The following SLCO5A1 variants were observed in gnomAD, a reference collection of about 807,000 sequenced individuals.
SLCO5A1 encodes the protein solute carrier organic anion transporter family member 5A1, also known as organic anion transporter polypeptide-related protein 4.
SLCO5A1 carries 39 observed loss-of-function variants against 65.1 expected under a neutral mutation model. That is an observed-to-expected ratio of 0.60 (90% CI 0.46 to 0.78). SLCO5A1 has a LOEUF of 0.78. Among genes scored for constraint, SLCO5A1 ranks in the 30% least tolerant of loss-of-function variants. The pLI is 0.00. For synonymous variants in SLCO5A1, 438 were observed against 415.7 expected, an observed-to-expected ratio of 1.05 and a Z score of -0.65; for missense variants, 1,029 against 1,069.4, an observed-to-expected ratio of 0.96 and a Z score of 0.53.
At chr8:69,819,658 T>C (rs1023299453) in intron 2 of SLCO5A1, among the ~76,000 whole-genome samples, 9 of 152,154 alleles carry the variant, frequency 5.9e-5, no homozygotes, top group Admixed American at 5.9e-4. Context: ...TTGCTAATAC[T>C]GGTCAGAAAA....
rs1821214702 is a variant in SLCO5A1, at chr8:69,832,513, C to T, written c.161G>A (p.Ser54Asn). The change falls in exon 2 of 10, where the codon AGT (serine) becomes AAT (asparagine). Residue 54 changes from serine (S) to asparagine (N), a missense_variant. Transcript: ENST00000260126. The surrounding 1 kb of genome is among the most constrained non-coding windows in gnomAD (Gnocchi z 4.5). ...GCCAAAGGCCGGGTTGGCGTCTCCA[C>T]TAGTGGGACTGAGGCTTGGCCGGCA... ...ASCRPSLSPT[S>N]GDANPAFGCV... is the part of the protein sequence containing the mutation. 1 of 1,609,128 alleles carries T rather than the reference C, an allele frequency of 6.2e-7. No individual in the cohort carries two copies. The highest frequency in any genetic ancestry group is 1.7e-5 in the Admixed American group (1 of 59,102).
At position 69,761,890 on chromosome 8, in the gene SLCO5A1, G is replaced by A. The variant is rs1563707649; in HGVS notation, c.908-15C>T. ...ATACATGATGGCTGAGAAGACAGAA[G>A]GGGAAATGTGAAATACAGCGACGTT... On this transcript the variant is annotated splice_polypyrimidine_tract_variant and intron_variant, in intron 2 of 9. Transcript: ENST00000260126. The A allele has an allele frequency of 1.9e-6, 3 of 1,609,588 alleles. No homozygotes were observed. Among genetic ancestry groups the A allele is most frequent in the Non-Finnish European group, 2.5e-6 (3 of 1,179,214 alleles).
chr8:69,733,175 T>A (rs1247322248), intron 5 of SLCO5A1, among the ~76,000 whole-genome samples: 1 of 152,138 alleles, frequency 6.6e-6, no homozygotes, highest in African/African-American at 2.4e-5. Flanking sequence ...ATTACAGAAA[T>A]TTTATTCTCA....
At chr8:69,744,516 T>C (rs1263040164) in intron 4 of SLCO5A1, among the ~76,000 whole-genome samples, 2 of 152,220 alleles carry the variant, frequency 1.3e-5, no homozygotes, top group East Asian at 1.9e-4. Flanking sequence ...TGTGCTCCCA[T>C]GTACTTGGTC....
At position 69,810,382 on chromosome 8, in the gene SLCO5A1, T is replaced by C. The variant is rs151127449; in HGVS notation, c.907+21385A>G. On this transcript the variant is annotated intron_variant, in intron 2 of 9. Transcript: ENST00000260126. ...AGCCTACAGAGGTCTTCTTAGCCAC[T>C]TTAAAGCTATTATCATAGCCTGAGG... 1.3e-4 allele frequency among the ~76,000 whole-genome samples: 20 copies of C among 152,280 alleles called. No individual in the cohort carries two copies. The East Asian group carries it at 3.9e-3, about 29-fold the overall frequency.
At chr8:69,725,500 G>A (rs923342984) in intron 5 of SLCO5A1, among the ~76,000 whole-genome samples, 2 of 141,126 alleles carry the variant, frequency 1.4e-5, no homozygotes, top group African/African-American at 5.7e-5. Context: ...TGTATACACA[G>A]AAGAAATTTT....
chr8:69,761,813 T>A lies in SLCO5A1; in HGVS notation c.970A>T (p.Ile324Phe). ...TTTCTGGGATCAACATAAAAACCAA[T>A]AAGAAGTCCACCTAATAAATATCCC... The part of the protein sequence containing the change: ...AVGYLLGGLL[I>F]GFYVDPRNPV... The change falls in exon 3 of 10, where the codon ATT becomes TTT. Residue 324 changes from isoleucine to phenylalanine, a missense_variant. Coordinates refer to ENST00000260126, the MANE Select transcript of SLCO5A1 (RefSeq NM_030958.3). 6.2e-7 allele frequency: 1 copy of A among 1,613,974 alleles called. No individual in the cohort carries two copies. Among genetic ancestry groups the A allele is most frequent in the South Asian group, 1.1e-5 (1 of 91,072 alleles).
chr8:69,726,468 C>A (rs911092609), intron 5 of SLCO5A1, among the ~76,000 whole-genome samples: 28 of 148,426 alleles, frequency 1.9e-4, no homozygotes, highest in African/African-American at 6.9e-4. Flanking sequence ...TATCAAGTCT[C>A]TTGCTTTCTC....
At chr8:69,756,322 T>C (rs1049051914) in intron 3 of SLCO5A1, among the ~76,000 whole-genome samples, 6 of 152,070 alleles carry the variant, frequency 3.9e-5, no homozygotes, top group African/African-American at 1.4e-4. Context: ...GGAGAATCAC[T>C]TGAACTTGGG....
chr8:69,819,963 A>AAAAAC (rs759927973), intron 2 of SLCO5A1, among the ~76,000 whole-genome samples: 30 of 152,182 alleles, frequency 2.0e-4, no homozygotes, highest in Non-Finnish European at 3.8e-4. Flanking sequence ...ACTCCATCTC[A>AAAAAC]AAAACAAAAC....
chr8:69,800,341 C>T (rs1241974590), intron 2 of SLCO5A1, among the ~76,000 whole-genome samples: 3 of 147,668 alleles, frequency 2.0e-5, no homozygotes, highest in African/African-American at 7.6e-5. Flanking sequence ...GCAGCTTTGA[C>T]CTCCCAGGAG....
intron 5 of SLCO5A1, among the ~76,000 whole-genome samples, chr8:69,729,472 A>AAAAAAAAAAG (rs1816240017): frequency 1.4e-5 from 2 of 145,366 alleles, no homozygotes; most frequent in Non-Finnish European, 3.0e-5. Context: ...AAAAAAAAAA[A>AAAAAAAAAAG]GATAACTGCA....
rs997370866 is a variant in SLCO5A1 at position 69,708,439 on chromosome 8, T to C, written c.1424-3210A>G. The stretch of plus-strand genomic sequence containing the variant: ...AGCCAGGCAAGATGTTGGGTGCCTG[T>C]AATCCCAGCTACTTGGGAAGCTGAG... On this transcript the variant is annotated intron_variant, in intron 5 of 9. Transcript: ENST00000260126. 3.9e-4 allele frequency among the ~76,000 whole-genome samples: 59 copies of C among 152,228 alleles called. 1 individual carries two copies. Among genetic ancestry groups the C allele is most frequent in the African/African-American group, 1.3e-3 (55 of 41,538 alleles).
chr8:69,797,798 G>A lies in SLCO5A1; in HGVS notation c.907+33969C>T, dbSNP rs193194627. On this transcript the variant is annotated intron_variant, in intron 2 of 9. Transcript: ENST00000260126. Reference sequence around the variant, plus strand: ...GATAAGATGTTATCAATGACAATGCGTGCCCAAAACTTCATTAGCAATTTT... The same window carrying A: ...GATAAGATGTTATCAATGACAATGCATGCCCAAAACTTCATTAGCAATTTT... Among the ~76,000 whole-genome samples the A allele has an allele frequency of 6.7e-4, 102 of 152,286 alleles. 2 individuals carry two copies. In the South Asian group the frequency reaches 0.012, roughly 17 times the overall value.
At chr8:69,814,465 A>G (rs1256395782) in intron 2 of SLCO5A1, among the ~76,000 whole-genome samples, 1 of 152,158 alleles carries the variant, frequency 6.6e-6, no homozygotes, top group African/African-American at 2.4e-5. Context: ...TAAAACCACA[A>G]TGAGAGATCA....
intron 6 of SLCO5A1, among the ~76,000 whole-genome samples, chr8:69,697,112 A>G (rs1451714831): frequency 6.6e-6 from 1 of 152,252 alleles, no homozygotes; most frequent in African/African-American, 2.4e-5. Context: ...AAAGGGTCAG[A>G]AAGTGCCTAG....
chr8:69,681,615 A>G (rs1813774719), intron 7 of SLCO5A1, among the ~76,000 whole-genome samples: 1 of 152,172 alleles, frequency 6.6e-6, no homozygotes, highest in South Asian at 2.1e-4. Flanking sequence ...ACAGTAGAAT[A>G]TGAAAACCTT....
At chr8:69,809,748 G>A (rs1451826986) in intron 2 of SLCO5A1, among the ~76,000 whole-genome samples, 3 of 151,980 alleles carry the variant, frequency 2.0e-5, no homozygotes, top group Admixed American at 6.6e-5. Context: ...GTGTGTGTGT[G>A]TGTGTGTTTT....
At chr8:69,686,782 G>A (rs987097358) in intron 6 of SLCO5A1, among the ~76,000 whole-genome samples, 8 of 152,106 alleles carry the variant, frequency 5.3e-5, no homozygotes, top group African/African-American at 1.9e-4. Flanking sequence ...CTTCTGGGTG[G>A]CTTATTTCGC....
Sources: allele counts gnomAD v4.1 joint callset (sites outside exome capture counted in the v4.1 genomes callset), GRCh38; gene constraint gnomAD v4.1.1; non-coding constraint Gnocchi (gnomAD v3.1); transcripts MANE v1.5; gene names NCBI Gene and HGNC (gene_info 2026-07-23, HGNC 2026-07-21).